GIGYF2: variants seen among roughly 807,000 people sequenced by gnomAD.
GIGYF2 encodes the protein GRB10 interacting GYF protein 2, also known as GRB10-interacting GYF protein 2.
GIGYF2 carries 25 observed loss-of-function variants against 208.1 expected under a neutral mutation model. The ratio of observed to expected loss-of-function variants is 0.12; its 90% CI spans 0.09 to 0.17. The LOEUF is 0.17. GIGYF2 is among the 10% of genes least tolerant of loss of function. The pLI, the probability that GIGYF2 is intolerant of heterozygous loss-of-function variation, is 1.00. For missense variants in GIGYF2, 1,302 were observed against 1,579.4 expected (o/e 0.82, Z 2.98); for synonymous variants, 534 against 543.8 (o/e 0.98, Z 0.25).
intron 16 of GIGYF2, 144 bp downstream of exon 16, chr2:232,809,955 C>T: frequency 3.0e-6 from 2 of 665,210 alleles, no homozygotes; most frequent in Non-Finnish European, 2.8e-6. Flanking sequence ...GTCTTGCCAC[C>T]ATACCTTCTA....
In GIGYF2 at chr2:232,780,458, G is replaced by GA. The variant is rs148910566; in HGVS notation, c.533-6685dup. Among the ~76,000 whole-genome samples, 1,181 of 152,180 alleles carry GA rather than the reference G, an allele frequency of 7.8e-3. 7 individuals carry two copies. Among genetic ancestry groups the GA allele is most frequent in the Non-Finnish European group, 0.012 (790 of 67,986 alleles). On this transcript the variant is annotated intron_variant, in intron 8 of 28. Transcript: ENST00000373563. ...ATAGTCATGTTTGCTATATTGAATG[G>GA]AAAAAAATACATTTAAAATTTGTGT...
intron 2 of GIGYF2, among the ~76,000 whole-genome samples, chr2:232,716,188 C>T (rs1696668508): frequency 6.6e-6 from 1 of 151,606 alleles, no homozygotes; most frequent in African/African-American, 2.4e-5. Context: ...ATGTGGGTCC[C>T]CCTCATGTTT....
At position 232,844,332 on chromosome 2, in the gene GIGYF2, G is replaced by T. The variant is rs143612254; in HGVS notation, c.3100-37G>T. ...GACTGTCTTCTTATCTTTTTAACAT[G>T]ATTCACGATAATCATTTTTCTCTTT... is the stretch of plus-strand genomic sequence containing the variant. On this transcript the variant is annotated intron_variant, in intron 24 of 28. Coordinates refer to ENST00000373563, the MANE Select transcript of GIGYF2 (RefSeq NM_001103146.3). The T allele has an allele frequency of 1.3e-5, 21 of 1,611,674 alleles. No homozygotes were observed. The African/African-American group carries it at 2.1e-4, about 16-fold the overall frequency.
At chr2:232,811,661 C>G (rs982409464) in intron 17 of GIGYF2, among the ~76,000 whole-genome samples, 1 of 152,116 alleles carries the variant, frequency 6.6e-6, no homozygotes, top group Non-Finnish European at 1.5e-5. Flanking sequence ...TTTAATTTCA[C>G]TTTTACTCAT....
At chr2:232,737,528 A>G (rs1697783680) in intron 3 of GIGYF2, among the ~76,000 whole-genome samples, 1 of 152,144 alleles carries the variant, frequency 6.6e-6, no homozygotes, top group African/African-American at 2.4e-5. Context: ...CCTTCTGGCA[A>G]AGGGAGTATA....
chr2:232,750,829 T>C (rs1352654779), intron 5 of GIGYF2, among the ~76,000 whole-genome samples: 1 of 152,086 alleles, frequency 6.6e-6, no homozygotes, highest in Non-Finnish European at 1.5e-5. Flanking sequence ...GTTCTCACTC[T>C]GTCATCCAGG....
At position 232,747,597 on chromosome 2, in the gene GIGYF2, C is replaced by T. The variant is rs1399613076; in HGVS notation, c.42-18C>T. The T allele has an allele frequency of 1.2e-6, 2 of 1,613,642 alleles. No homozygotes were observed. The highest frequency in any genetic ancestry group is 1.7e-5 in the Admixed American group (1 of 60,020). ...AGCACCAGAATGTTTGACATATTCT[C>T]TGTCTTTTCTATTCTAGGCTCCGAG... On this transcript the variant is annotated intron_variant, in intron 3 of 28. Coordinates refer to ENST00000373563, the MANE Select transcript of GIGYF2 (RefSeq NM_001103146.3).
intron 21 of GIGYF2, among the ~76,000 whole-genome samples, chr2:232,828,446 TGTTTGTTTGTTTGTTC>T (rs1231907360): frequency 3.3e-5 from 5 of 151,934 alleles, no homozygotes; most frequent in Admixed American, 3.3e-4. Context: ...TGGGGTTTTT[TGTTTGTTTGTTTGTTC>T]GTTTGTTTGA....
At chr2:232,823,122 T>C (rs1478616625) in intron 21 of GIGYF2, among the ~76,000 whole-genome samples, 1 of 152,112 alleles carries the variant, frequency 6.6e-6, no homozygotes, top group Non-Finnish European at 1.5e-5. Context: ...TCATTCTGCT[T>C]ATATGGTGAA....
At chr2:232,850,837 C>G (rs1690284819) in intron 28 of GIGYF2, among the ~76,000 whole-genome samples, 1 of 152,200 alleles carries the variant, frequency 6.6e-6, no homozygotes, top group Non-Finnish European at 1.5e-5. Flanking sequence ...CATAATCACT[C>G]TATGTATCAT....
At chr2:232,745,328 C>G (rs1289829919) in intron 3 of GIGYF2, among the ~76,000 whole-genome samples, 1 of 151,788 alleles carries the variant, frequency 6.6e-6, no homozygotes, top group African/African-American at 2.4e-5. Context: ...AGGTCTGAGG[C>G]AAGAAAAATA....
chr2:232,798,520 GC>G (rs1281386711), intron 14 of GIGYF2, among the ~76,000 whole-genome samples: 1 of 152,130 alleles, frequency 6.6e-6, no homozygotes, highest in Non-Finnish European at 1.5e-5. Context: ...CATTTCATAT[GC>G]CCACCAGCAA....
intron 20 of GIGYF2, 21 bp from the exon 21 acceptor site, chr2:232,819,806 C>T: frequency 2.6e-6 from 1 of 387,416 alleles, no homozygotes. Context: ...CCACCCCCCA[C>T]CCTCCATCTT....
chr2:232,755,481 C>A (rs950362399), intron 5 of GIGYF2, among the ~76,000 whole-genome samples: 8 of 152,124 alleles, frequency 5.3e-5, no homozygotes, highest in Admixed American at 6.6e-5. Flanking sequence ...TACCTTGACT[C>A]TTAAGCCTAA....
At chr2:232,735,475 C>T (rs1368617409) in intron 3 of GIGYF2, 2 of 401,178 alleles carry the variant, frequency 5.0e-6, no homozygotes, top group Non-Finnish European at 8.6e-6. Flanking sequence ...GGCGGGAGTC[C>T]CACCCGCCCT....
intron 2 of GIGYF2, among the ~76,000 whole-genome samples, chr2:232,710,590 G>A (rs1038545640): frequency 6.6e-6 from 1 of 151,890 alleles, no homozygotes; most frequent in Non-Finnish European, 1.5e-5. Flanking sequence ...AATCATTTAA[G>A]TAAAATCCAA....
chr2:232,698,908 A>G (rs1481677198), intron 1 of GIGYF2, among the ~76,000 whole-genome samples: 2 of 152,190 alleles, frequency 1.3e-5, no homozygotes, highest in African/African-American at 2.4e-5. Flanking sequence ...TCATTTGTTT[A>G]TTCATTCATA....
chr2:232,698,151 G>A (rs1695690568), intron 1 of GIGYF2: 1 of 152,254 alleles, frequency 6.6e-6, no homozygotes, highest in Admixed American at 6.5e-5. Context: ...AAGCGAACAG[G>A]GAATGGGGGC....
intron 5 of GIGYF2, among the ~76,000 whole-genome samples, chr2:232,749,472 C>A (rs1698260956): frequency 6.6e-6 from 1 of 151,926 alleles, no homozygotes; most frequent in Non-Finnish European, 1.5e-5. Flanking sequence ...GTTCAAAATG[C>A]ATTCAAAACT....
Sources: allele counts gnomAD v4.1 joint callset (sites outside exome capture counted in the v4.1 genomes callset), GRCh38; gene constraint gnomAD v4.1.1; transcripts MANE v1.5; gene names NCBI Gene and HGNC (gene_info 2026-07-23, HGNC 2026-07-21).